USP44: variants seen among roughly 807,000 people sequenced by gnomAD.
USP44 encodes ubiquitin specific peptidase 44.
USP44 carries 61 observed loss-of-function variants against 69.0 expected under a neutral mutation model. The ratio of observed to expected loss-of-function variants is 0.88; its 90% CI spans 0.72 to 1.09. USP44 has a LOEUF of 1.09. USP44 is among the 50% of genes least tolerant of loss of function. The pLI is 0.00. For missense variants in USP44, 753 were observed against 849.9 expected, an observed-to-expected ratio of 0.89 and a Z score of 1.42; for synonymous variants, 297 against 295.4, an observed-to-expected ratio of 1.01 and a Z score of -0.06.
At chr12:95,523,690 A>C (rs1441683649) in intron 4 of USP44, among the ~76,000 whole-genome samples, 7 of 87,236 alleles carry the variant, frequency 8.0e-5, no homozygotes, top group Non-Finnish European at 1.6e-4. Context: ...TGTCTCTACC[A>C]AAAAAAAAAA....
rs755559271 is a variant in USP44, at chr12:95,528,833, T to C, written c.1598A>G (p.Lys533Arg). 8 of 1,613,908 alleles carry C rather than the reference T, an allele frequency of 5.0e-6. No individual in the cohort carries two copies. In the East Asian group the frequency reaches 1.8e-4, roughly 36 times the overall value. ...GTTACACTGGTCACATACGTAGATT[T>C]TTCCTTCTAAAGCTTCAGTTTCTGT... ...KFTETEALEG[K>R]IYVCDQCNSK... The change falls in exon 3 of 6, where the codon AAA becomes AGA. Residue 533 changes from lysine (K) to arginine (R), a missense_variant. By Grantham distance (26) the Lys-to-Arg change is conservative (BLOSUM62 2). Transcript: ENST00000258499.
At position 95,518,252 on chromosome 12, in the gene USP44, C is replaced by T. The variant is rs2140188365; in HGVS notation, c.2041G>A (p.Glu681Lys). The T allele has an allele frequency of 1.2e-6, 2 of 1,614,176 alleles. No individual in the cohort carries two copies. The highest frequency in any genetic ancestry group is 2.2e-5 in the East Asian group (1 of 44,872). ...GGCAAAAGTTTAGAATGTCCATTCT[C>T]AGTAACTCGTTGGGTATAAAACAAG... The part of the protein sequence containing the change: ...YILFYTQRVT[E>K]NGHSKLLPPE... Residue 681 changes from glutamate (E) to lysine (K), a missense_variant, in exon 6 of 6, where the codon GAG (glutamate) becomes AAG (lysine). By Grantham distance (56) the Glu-to-Lys change is moderately conservative (BLOSUM62 1). Transcript: ENST00000258499.
chr12:95,551,634 A>G (rs2077722348), upstream of USP44: 1 of 152,232 alleles, frequency 6.6e-6, no homozygotes, highest in South Asian at 2.1e-4. Context: ...CTCCCTTTCT[A>G]TACCTCTCCA....
In USP44 at chr12:95,518,309, T is replaced by A; in HGVS notation, c.1984A>T (p.Met662Leu). The part of the protein sequence containing the change: ...CNDSKLSMCT[M>L]DEVCKAQAYI... ...GCTTGAGCCTTGCATACTTCATCCA[T>A]AGTGCACATGCTTAGTTTGGAATCA... is the stretch of plus-strand genomic sequence containing the variant. Residue 662 changes from methionine (M) to leucine (L), a missense_variant, in exon 6 of 6, where the codon ATG becomes TTG. By Grantham distance (15) the Met-to-Leu change is conservative. Transcript: ENST00000258499. The A allele has an allele frequency of 6.2e-7, 1 of 1,614,202 alleles. No homozygotes were observed. Among genetic ancestry groups the A allele is most frequent in the Non-Finnish European group, 8.5e-7 (1 of 1,180,036 alleles).
chr12:95,520,007 CAAAAAAAAAAAA>C (rs56348745), intron 5 of USP44, among the ~76,000 whole-genome samples: 12 of 34,528 alleles, frequency 3.5e-4, no homozygotes, highest in African/African-American at 9.8e-4. Context: ...GACTCTGTCT[CAAAAAAAAAAAA>C]AAAAAAAAAA....
At chr12:95,544,048 CTTTT>C (rs1191045599) in intron 1 of USP44, among the ~76,000 whole-genome samples, 1,166 of 97,180 alleles carry the variant, frequency 0.012, 20 homozygotes, top group African/African-American at 0.045. Flanking sequence ...TTTTAGTTAT[CTTTT>C]TTTTTTTTTT....
intron 1 of USP44, among the ~76,000 whole-genome samples, chr12:95,534,960 C>G (rs1015422292): frequency 6.6e-6 from 1 of 152,276 alleles, no homozygotes; most frequent in Admixed American, 6.5e-5. Context: ...GGATTACAGG[C>G]GTGAACCACT....
chr12:95,525,322 G>A (rs1025183459), intron 3 of USP44, among the ~76,000 whole-genome samples: 6 of 152,050 alleles, frequency 3.9e-5, no homozygotes, highest in South Asian at 2.1e-4. Context: ...CACCTGCCTC[G>A]TCCTCCTAAA....
At chr12:95,539,277 GTGCAGTGGCGCGATCTAGGCTCAC>G (rs2077309613) in intron 1 of USP44, among the ~76,000 whole-genome samples, 1 of 149,716 alleles carries the variant, frequency 6.7e-6, no homozygotes, top group African/African-American at 2.5e-5. Context: ...CCAGGCTGGA[GTGCAGTGGCGCGATCTAGGCTCAC>G]TGCAAGCTCC....
chr12:95,540,251 C>T (rs1166431046), intron 1 of USP44, among the ~76,000 whole-genome samples: 3 of 151,822 alleles, frequency 2.0e-5, no homozygotes, highest in African/African-American at 4.8e-5. Context: ...AGCTTTTTAT[C>T]GGGTATTTTT....
At chr12:95,538,238 C>T (rs2077269473) in intron 1 of USP44, among the ~76,000 whole-genome samples, 1 of 152,098 alleles carries the variant, frequency 6.6e-6, no homozygotes, top group African/African-American at 2.4e-5. Flanking sequence ...GTGCTACATA[C>T]CTCAGTTTTC....
chr12:95,538,650 C>T (rs576835243), intron 1 of USP44, among the ~76,000 whole-genome samples: 19 of 152,204 alleles, frequency 1.2e-4, no homozygotes, highest in African/African-American at 4.6e-4. Context: ...GCCCACTTAC[C>T]CTGTCTACTT....
At chr12:95,530,181 G>GT (rs1282086542) in intron 2 of USP44, among the ~76,000 whole-genome samples, 3 of 152,180 alleles carry the variant, frequency 2.0e-5, no homozygotes, top group African/African-American at 7.2e-5. Context: ...GAAGCCAGTT[G>GT]TAATACAGAT....
At position 95,517,079 on chromosome 12, in the gene USP44, T is replaced by C. The variant is rs2076495177; in HGVS notation, c.*1075A>G. On this transcript the variant is annotated 3_prime_UTR_variant, in exon 6 of 6. Coordinates refer to ENST00000258499, the MANE Select transcript of USP44 (RefSeq NM_032147.5). Reference sequence around the variant, plus strand: ...CACTGTATTTTTTTTTGTGCAAGTTTAGATAGATAGCTTTTAGTTTTTTTT... The same window carrying C: ...CACTGTATTTTTTTTTGTGCAAGTTCAGATAGATAGCTTTTAGTTTTTTTT... The C allele has an allele frequency of 6.7e-6, 1 of 150,256 alleles. No homozygotes were observed. The highest frequency in any genetic ancestry group is 1.5e-5 in the Non-Finnish European group (1 of 67,826). The allele number at this position is 150,256 out of a possible 1,614,324, so 9.3% of individuals were successfully genotyped here.
chr12:95,537,476 G>A (rs2077245492), intron 1 of USP44, among the ~76,000 whole-genome samples: 1 of 151,976 alleles, frequency 6.6e-6, no homozygotes, highest in South Asian at 2.1e-4. Context: ...ACGTCACCAT[G>A]TCCAGCTAAT....
intron 3 of USP44, 56 bp from the exon 4 acceptor site, chr12:95,524,844 G>T: frequency 6.8e-7 from 1 of 1,461,694 alleles, no homozygotes; most frequent in Non-Finnish European, 9.4e-7. Context: ...TCAGGGAAAA[G>T]CTGAGTGAAC....
rs535028971 is a variant in USP44, at chr12:95,522,983, A to G, written c.1733+1697T>C. Among the ~76,000 whole-genome samples, 3 of 152,170 alleles carry G rather than the reference A, an allele frequency of 2.0e-5. No individual in the cohort carries two copies. The East Asian group carries it at 5.8e-4, about 30-fold the overall frequency. ...CTGAATGATGTAATCAGTCATGCCT[A>G]TGTACTGAAGCCTCCATAAAAACCC... On this transcript the variant is annotated intron_variant, in intron 4 of 5. Transcript: ENST00000258499.
intron 2 of USP44, among the ~76,000 whole-genome samples, chr12:95,530,085 T>C (rs1187431551): frequency 2.0e-5 from 3 of 152,206 alleles, no homozygotes; most frequent in Non-Finnish European, 4.4e-5. Flanking sequence ...ACAGACTCCA[T>C]GAACTAACAA....
At position 95,517,907 on chromosome 12, in the gene USP44, A is replaced by C. The variant is rs760105012; in HGVS notation, c.*247T>G. The C allele has an allele frequency of 3.1e-6, 1 of 326,122 alleles. No individual in the cohort carries two copies. Among genetic ancestry groups the C allele is most frequent in the Non-Finnish European group, 5.6e-6 (1 of 179,520 alleles). 20.2% of individuals were successfully genotyped at this position (326,122 alleles called of 1,614,324 possible). A position where few individuals can be genotyped will look rare whatever the true frequency, so the allele number is the denominator to read the frequency against. On this transcript the variant is annotated 3_prime_UTR_variant, in exon 6 of 6. Coordinates refer to ENST00000258499, the MANE Select transcript of USP44 (RefSeq NM_032147.5). ...TCATCATCCGAGCCAATTAAGACAT[A>C]AAAATATAAAAGAGGTAACATCAGT...
Sources: gnomAD v4.1 joint callset for allele counts (sites outside exome capture counted in the v4.1 genomes callset) on GRCh38, gnomAD v4.1.1 for gene constraint, MANE v1.5 for transcripts, NCBI Gene and HGNC (gene_info 2026-07-23, HGNC 2026-07-21) for gene names.